NUDT3: variants seen among roughly 807,000 people sequenced by gnomAD.
NUDT3 encodes diphosphoinositol polyphosphate phosphohydrolase 1.
A neutral mutation model predicts 23.6 loss-of-function variants in NUDT3; 9 were observed. That is an observed-to-expected ratio of 0.38 (90% confidence interval 0.23 to 0.66). The LOEUF (loss-of-function observed/expected upper bound fraction) is 0.66, where lower values mean the gene tolerates loss of function less well. Ranked by LOEUF, NUDT3 falls within the 30% of genes least tolerant of loss-of-function variation. The pLI is 0.52. For missense variants in NUDT3, 172 were observed against 218.5 expected, an observed-to-expected ratio of 0.79 and a Z score of 1.34; for synonymous variants, 86 against 82.6, an observed-to-expected ratio of 1.04 and a Z score of -0.22.
chr6:34,381,191 A>AT (rs1389509803), intron 1 of NUDT3, among the ~76,000 whole-genome samples: 3 of 151,820 alleles, frequency 2.0e-5, no homozygotes, highest in African/African-American at 4.8e-5. Flanking sequence ...TAATTTTTAA[A>AT]TTTTTTTATA....
chr6:34,356,016 C>A (rs1207863012), intron 1 of NUDT3, among the ~76,000 whole-genome samples: 2 of 151,924 alleles, frequency 1.3e-5, no homozygotes, highest in Non-Finnish European at 2.9e-5. Context: ...ATGGGACAAT[C>A]TCAAGAGAGA....
At chr6:34,375,058 A>G (rs1764898832) in intron 1 of NUDT3, among the ~76,000 whole-genome samples, 1 of 152,218 alleles carries the variant, frequency 6.6e-6, no homozygotes, top group Non-Finnish European at 1.5e-5. Flanking sequence ...ATAAGTTACC[A>G]GAGTTCGGCC....
intron 1 of NUDT3, among the ~76,000 whole-genome samples, chr6:34,372,254 T>C (rs1336737859): frequency 2.0e-5 from 3 of 152,188 alleles, no homozygotes; most frequent in Non-Finnish European, 4.4e-5. Context: ...TTTGGGTATA[T>C]ACCCAGTAAT....
intron 2 of NUDT3, among the ~76,000 whole-genome samples, chr6:34,296,323 C>A (rs1274570732): frequency 2.0e-5 from 3 of 151,938 alleles, no homozygotes; most frequent in Non-Finnish European, 2.9e-5. Flanking sequence ...CCTGTAATCC[C>A]AGCACTTTGG....
intron 1 of NUDT3, among the ~76,000 whole-genome samples, chr6:34,391,859 G>A (rs546744700): frequency 5.3e-4 from 81 of 151,810 alleles, no homozygotes; most frequent in African/African-American, 1.7e-3. Context: ...CGCGCCTCGT[G>A]CACGCCGGCC....
At chr6:34,371,066 G>A (rs1487334702) in intron 1 of NUDT3, among the ~76,000 whole-genome samples, 1 of 151,380 alleles carries the variant, frequency 6.6e-6, no homozygotes, top group African/African-American at 2.4e-5. Flanking sequence ...AACCGAGATC[G>A]TACCACTGCA....
intron 1 of NUDT3, among the ~76,000 whole-genome samples, chr6:34,377,119 T>C (rs991489855): frequency 1.3e-5 from 2 of 152,212 alleles, no homozygotes; most frequent in Non-Finnish European, 2.9e-5. Flanking sequence ...CTACATTTTT[T>C]TCTAACTGCT....
At chr6:34,388,145 G>C (rs768051173) in intron 1 of NUDT3, among the ~76,000 whole-genome samples, 15 of 152,118 alleles carry the variant, frequency 9.9e-5, no homozygotes, top group Non-Finnish European at 1.8e-4. Context: ...AGGAGCAATA[G>C]GCTATACCAT....
intron 2 of NUDT3, among the ~76,000 whole-genome samples, chr6:34,302,697 A>G (rs1023892977): frequency 6.6e-5 from 10 of 152,302 alleles, no homozygotes; most frequent in African/African-American, 1.9e-4. Context: ...GCGCCACTGC[A>G]CTCCAGCCTG....
intron 1 of NUDT3, among the ~76,000 whole-genome samples, chr6:34,378,594 C>T (rs1007319729): frequency 6.6e-6 from 1 of 152,208 alleles, no homozygotes; most frequent in Non-Finnish European, 1.5e-5. Context: ...TAGGCCCACA[C>T]TATGAGCACT....
At chr6:34,333,996 T>C (rs775901256) in intron 2 of NUDT3, among the ~76,000 whole-genome samples, 12 of 152,002 alleles carry the variant, frequency 7.9e-5, no homozygotes, top group Non-Finnish European at 1.2e-4. Context: ...AGAGATGAGA[T>C]AGGCAGGTCC....
intron 1 of NUDT3, among the ~76,000 whole-genome samples, chr6:34,368,831 G>C (rs1044133671): frequency 6.6e-6 from 1 of 152,114 alleles, no homozygotes; most frequent in Non-Finnish European, 1.5e-5. Context: ...GCAGAGACGG[G>C]GTTTCACCGT....
chr6:34,334,735 C>G (rs1764180999), intron 2 of NUDT3, among the ~76,000 whole-genome samples: 1 of 151,884 alleles, frequency 6.6e-6, no homozygotes, highest in Non-Finnish European at 1.5e-5. Context: ...AGCTAGGAGA[C>G]CCTCGGCAAC....
intron 2 of NUDT3, among the ~76,000 whole-genome samples, chr6:34,320,003 A>G (rs1174830634): frequency 6.6e-6 from 1 of 152,144 alleles, no homozygotes; most frequent in Non-Finnish European, 1.5e-5. Context: ...ACATCTATAT[A>G]TATGTGTCAA....
intron 2 of NUDT3, among the ~76,000 whole-genome samples, chr6:34,314,093 G>A (rs1351356610): frequency 5.4e-5 from 8 of 147,498 alleles, no homozygotes; most frequent in African/African-American, 7.5e-5. Context: ...GTGAAACTCC[G>A]TCTCAAAAAA....
intron 1 of NUDT3, among the ~76,000 whole-genome samples, chr6:34,367,038 G>A (rs990741746): frequency 1.3e-5 from 2 of 152,046 alleles, no homozygotes; most frequent in Non-Finnish European, 2.9e-5. Context: ...GATTACAGGT[G>A]AGCACATACC....
intron 1 of NUDT3, among the ~76,000 whole-genome samples, chr6:34,357,319 TA>T (rs1764577894): frequency 6.6e-6 from 1 of 152,046 alleles, no homozygotes; most frequent in African/African-American, 2.4e-5. Context: ...TTTTCCATAA[TA>T]AAAGGTTTTT....
chr6:34,349,528 T>C (rs1581882192), intron 1 of NUDT3, among the ~76,000 whole-genome samples: 1 of 150,640 alleles, frequency 6.6e-6, no homozygotes, highest in Non-Finnish European at 1.5e-5. Context: ...TGAGAAATTA[T>C]ATGAATGTGG....
intron 1 of NUDT3, among the ~76,000 whole-genome samples, chr6:34,356,732 G>A (rs1764566637): frequency 1.3e-5 from 2 of 152,100 alleles, no homozygotes; most frequent in Non-Finnish European, 2.9e-5. Flanking sequence ...CATTTATTTT[G>A]TGTTTTCTAT....
Sources: allele counts gnomAD v4.1 joint callset (sites outside exome capture counted in the v4.1 genomes callset), GRCh38; gene constraint gnomAD v4.1.1; transcripts MANE v1.5; gene names NCBI Gene and HGNC (gene_info 2026-07-23, HGNC 2026-07-21).